Variants in LRP2 observed in about 807,000 individuals in gnomAD.
LRP2 encodes LDL receptor related protein 2.
LRP2 carries 172 observed loss-of-function variants against 531.0 expected under a neutral mutation model. The ratio of observed to expected loss-of-function variants is 0.32; its 90% CI spans 0.29 to 0.37. The LOEUF (loss-of-function observed/expected upper bound fraction) is 0.37. LRP2 is among the 10% of genes least tolerant of loss of function. The probability of loss-of-function intolerance (pLI) is 1.00; values close to 1 mark genes in which losing one functional copy is unlikely to be tolerated. For synonymous variants in LRP2, 1,992 were observed against 2,027.6 expected (o/e 0.98, Z 0.47); for missense variants, 5,167 against 5,868.3 (o/e 0.88, Z 3.90).
Position 169,206,437 on chromosome 2 carries a change from C to T in LRP2, c.7283G>A (p.Ser2428Asn). The change falls in exon 39 of 79, where the codon AGT (serine) becomes AAT (asparagine). Residue 2428 changes from serine to asparagine, a missense_variant. Physicochemically the swap from Ser to Asn is conservative, Grantham distance 46. Coordinates refer to ENST00000649046, the MANE Select transcript of LRP2 (RefSeq NM_004525.3). ...TGTGAAGTAGATTCTATCACTTACA[C>T]TGTCATAGTCTAGAGACATGACAGT... ...ERTVMSLDYD[S>N]VSDRIYFTQN... 6.2e-7 allele frequency: 1 copy of T among 1,614,150 alleles called. No individual in the cohort carries two copies. Among genetic ancestry groups the T allele is most frequent in the Non-Finnish European group, 8.5e-7 (1 of 1,179,998 alleles).
At position 169,235,877 on chromosome 2, in the gene LRP2, T is replaced by C; in HGVS notation, c.4883A>G (p.Asn1628Ser). 6.2e-7 allele frequency: 1 copy of C among 1,614,200 alleles called. No homozygotes were observed. Among genetic ancestry groups the C allele is most frequent in the African/African-American group, 1.3e-5 (1 of 75,052 alleles). The change falls in exon 29 of 79, where the codon AAT becomes AGT. Residue 1628 changes from asparagine (N) to serine (S), a missense_variant. This residue lies in a region of LRP2 where 2,811 missense variants were observed against 3,058.0 expected (regional missense o/e 0.92). Coordinates refer to ENST00000649046, the MANE Select transcript of LRP2 (RefSeq NM_004525.3). ...YLDYMDFCDYNGHHRRQVIAS... is the reference protein window; with the variant it reads ...YLDYMDFCDYSGHHRRQVIAS... Reference sequence around the variant, plus strand: ...TATCACCTGTCTCCGATGGTGTCCATTATAATCACAAAAGTCCATGTAATC... The same window carrying C: ...TATCACCTGTCTCCGATGGTGTCCACTATAATCACAAAAGTCCATGTAATC...
At chr2:169,291,402 AG>A (rs1286890418) in intron 7 of LRP2, among the ~76,000 whole-genome samples, 1 of 152,240 alleles carries the variant, frequency 6.6e-6, no homozygotes, top group Non-Finnish European at 1.5e-5. Context: ...TTGTTTATTT[AG>A]TGAAATGTCA....
intron 1 of LRP2, among the ~76,000 whole-genome samples, chr2:169,341,365 C>A (rs1047049842): frequency 2.0e-5 from 3 of 152,150 alleles, no homozygotes; most frequent in Non-Finnish European, 2.9e-5. Flanking sequence ...ATCTTTGACA[C>A]CCTCTAAAGA....
At position 169,173,979 on chromosome 2, in the gene LRP2, A is replaced by C. The variant is rs1687094451; in HGVS notation, c.10954T>G (p.Trp3652Gly). ...CAATCATTATCCACATCACACTTCC[A>C]GGCCTGCGGGATGCAGCGGCCATTA... is the stretch of plus-strand genomic sequence containing the variant. ...CANGRCIPQA[W>G]KCDVDNDCGD... The change falls in exon 56 of 79, where the codon TGG (tryptophan) becomes GGG (glycine). Residue 3652 changes from tryptophan to glycine, a missense_variant. Trp to Gly is a radical substitution (Grantham distance 184). Around this residue, in one of 6 missense-constraint regions of LRP2, gnomAD observed 311 missense variants for 309.4 expected, o/e 1.01. Transcript: ENST00000649046. 6.2e-7 allele frequency: 1 copy of C among 1,614,038 alleles called. No homozygotes were observed. The highest frequency in any genetic ancestry group is 1.1e-5 in the South Asian group (1 of 91,090).
chr2:169,328,441 TAA>T (rs537210492), intron 1 of LRP2, among the ~76,000 whole-genome samples: 1 of 49,144 alleles, frequency 2.0e-5, no homozygotes, highest in Non-Finnish European at 4.0e-5. Flanking sequence ...CGGGCCGGGA[TAA>T]AAAAAAAAAA....
At chr2:169,153,069 C>G (rs1263699911) in intron 66 of LRP2, 105 bp from the exon 67 acceptor site, 20 of 957,748 alleles carry the variant, frequency 2.1e-5, no homozygotes, top group Non-Finnish European at 2.6e-5. Context: ...ACATCTCTAC[C>G]TCCCTCCTCA....
At chr2:169,232,383 C>T (rs1229798545) in intron 30 of LRP2, among the ~76,000 whole-genome samples, 11 of 152,076 alleles carry the variant, frequency 7.2e-5, no homozygotes, top group Admixed American at 7.2e-4. Flanking sequence ...TTCCTAGATC[C>T]TATACATTTT....
At chr2:169,338,359 G>GGAAGGAAAGAAA (rs1685467215) in intron 1 of LRP2, among the ~76,000 whole-genome samples, 3 of 76,566 alleles carry the variant, frequency 3.9e-5, no homozygotes, top group African/African-American at 1.7e-4. Context: ...AAAGAAAGAA[G>GGAAGGAAAGAAA]GAAAGAAAGA....
chr2:169,140,824 C>A (rs1377250109), intron 71 of LRP2, among the ~76,000 whole-genome samples: 1 of 152,162 alleles, frequency 6.6e-6, no homozygotes, highest in Non-Finnish European at 1.5e-5. Flanking sequence ...GTTACAAGAA[C>A]CTAGTGGTAA....
At chr2:169,310,279 A>C (rs1684556065) in intron 3 of LRP2, among the ~76,000 whole-genome samples, 1 of 152,024 alleles carries the variant, frequency 6.6e-6, no homozygotes, top group Non-Finnish European at 1.5e-5. Flanking sequence ...GAGTGGTGAC[A>C]GTTTTCAAAG....
At chr2:169,245,056 TTCATCAAGTGATG>T in intron 21 of LRP2, 124 bp from the exon 22 acceptor site, 1 of 1,038,060 alleles carries the variant, frequency 9.6e-7, no homozygotes, top group South Asian at 1.3e-5. Context: ...AGGAGAAATG[TTCATCAAGTGATG>T]TCATCATCAC....
chr2:169,305,678 G>A (rs1025661654), intron 4 of LRP2, among the ~76,000 whole-genome samples: 1 of 152,154 alleles, frequency 6.6e-6, no homozygotes, highest in Non-Finnish European at 1.5e-5. Context: ...CTTGAAGTTT[G>A]AAATATAAAT....
chr2:169,232,500 T>C (rs1689444383), intron 30 of LRP2, among the ~76,000 whole-genome samples: 1 of 152,100 alleles, frequency 6.6e-6, no homozygotes, highest in Non-Finnish European at 1.5e-5. Flanking sequence ...GGGGACGCTA[T>C]AAAAGTGGAG....
intron 21 of LRP2, among the ~76,000 whole-genome samples, chr2:169,245,161 A>G (rs1689960301): frequency 6.6e-6 from 1 of 152,246 alleles, no homozygotes; most frequent in Admixed American, 6.5e-5. Flanking sequence ...CACACATCAT[A>G]TAAGTTCTCT....
In LRP2 at chr2:169,200,076, T is replaced by C. The variant is rs536529798; in HGVS notation, c.8453-1165A>G. Among the ~76,000 whole-genome samples, 345 of 151,976 alleles carry C rather than the reference T, an allele frequency of 2.3e-3. 4 individuals are homozygous for C. The highest frequency in any genetic ancestry group is 1.7e-3 in the East Asian group (9 of 5,146). ...CCATCCTGGCTAACATGGTGAAACC[T>C]CGTCTCTACTAAAAAATACAAAAAA... On this transcript the variant is annotated intron_variant, in intron 44 of 78. Coordinates refer to ENST00000649046, the MANE Select transcript of LRP2 (RefSeq NM_004525.3).
At chr2:169,238,030 C>G in intron 27 of LRP2, 61 bp downstream of exon 27, 1 of 1,448,146 alleles carries the variant, frequency 6.9e-7, no homozygotes, top group South Asian at 1.2e-5. Flanking sequence ...TGGTGAATAA[C>G]AGCAAACAGA....
intron 49 of LRP2, 151 bp from the exon 50 acceptor site, chr2:169,186,170 T>C (rs1256873403): frequency 2.0e-5 from 14 of 712,060 alleles, no homozygotes; most frequent in Admixed American, 1.1e-4. Flanking sequence ...TGTGGATTAT[T>C]GAAAAGTCAC....
At position 169,294,207 on chromosome 2, in the gene LRP2, C is replaced by T. The variant is rs372596334; in HGVS notation, c.593G>A (p.Arg198His). The T allele has an allele frequency of 4.3e-5, 70 of 1,613,818 alleles. No homozygotes were observed. Among genetic ancestry groups the T allele is most frequent in the Middle Eastern group, 1.6e-4 (1 of 6,084 alleles). The change falls in exon 6 of 79, where the codon CGT becomes CAT. Residue 198 changes from arginine to histidine, a missense_variant. Physicochemically the swap from Arg to His is conservative, Grantham distance 29 (BLOSUM62 0). Transcript: ENST00000649046. The stretch of plus-strand genomic sequence containing the variant: ...ATTGTCATGGTCACAGACATAAGCA[C>T]GAGGGATACACTCTCCATTGCCACA... ...FSCGNGECIP[R>H]AYVCDHDNDC...
At position 169,275,189 on chromosome 2, in the gene LRP2, T is replaced by C. The variant is rs113282361; in HGVS notation, c.1822A>G (p.Ser608Gly). Reference sequence around the variant, plus strand: ...AAGAACACCTGACCTTCAAATAAGCTTACTCCAAAGGGATGAGGAATGAGG... The same window carrying C: ...AAGAACACCTGACCTTCAAATAAGCCTACTCCAAAGGGATGAGGAATGAGG... ...GSLIPHPFGV[S>G]LFEGQVFFTD... The change falls in exon 14 of 79, where the codon AGC (serine) becomes GGC (glycine). Residue 608 changes from serine to glycine, a missense_variant. Ser to Gly is a moderately conservative substitution (Grantham distance 56, BLOSUM62 0). Transcript: ENST00000649046. The C allele has an allele frequency of 1.3e-5, 21 of 1,613,798 alleles. No individual in the cohort carries two copies. The highest frequency in any genetic ancestry group is 1.1e-4 in the African/African-American group (8 of 75,020).
Sources: allele counts gnomAD v4.1 joint callset (sites outside exome capture counted in the v4.1 genomes callset), GRCh38; gene constraint gnomAD v4.1.1; regional missense constraint gnomAD v4.1.1; transcripts MANE v1.5; gene names NCBI Gene and HGNC (gene_info 2026-07-23, HGNC 2026-07-21).